The following ATP7A variants were observed in gnomAD, a reference collection of about 807,000 sequenced individuals.
The protein encoded by ATP7A is ATPase copper transporting alpha.
ATP7A carries 7 observed loss-of-function variants against 83.5 expected under a neutral mutation model. That is an observed-to-expected ratio of 0.08 (90% CI 0.05 to 0.16). The LOEUF (loss-of-function observed/expected upper bound fraction) is 0.16. Among genes scored for constraint, ATP7A ranks in the 10% least tolerant of loss-of-function variants. The probability of loss-of-function intolerance (pLI) is 1.00; values close to 1 mark genes in which losing one functional copy is unlikely to be tolerated. For missense variants in ATP7A, 940 were observed against 1,120.8 expected (o/e 0.84, Z 2.30); for synonymous variants, 354 against 395.2 (o/e 0.90, Z 1.24).
intron 1 of ATP7A, among the ~76,000 whole-genome samples, chrX:77,930,134 C>A (rs2077263637): frequency 1.8e-5 from 2 of 111,717 alleles, no homozygotes; most frequent in South Asian, 7.5e-4. Context: ...ATGATAGGCT[C>A]AGAATTTGAA....
chrX:77,989,177 T>A, intron 3 of ATP7A, 56 bp from the exon 4 acceptor site: 1 of 1,111,678 alleles, frequency 9.0e-7, no homozygotes, highest in Non-Finnish European at 1.2e-6. Flanking sequence ...AAACAGAATG[T>A]TTTCTGAAGT....
At chrX:77,986,660 C>T (rs782630118) in intron 2 of ATP7A, among the ~76,000 whole-genome samples, 1 of 111,909 alleles carries the variant, frequency 8.9e-6, no homozygotes, top group Non-Finnish European at 1.9e-5. Context: ...TTATCCTATA[C>T]ATCTTGTTAG....
At chrX:78,045,334 C>A in intron 21 of ATP7A, 136 bp from the exon 22 acceptor site, 1 of 589,154 alleles carries the variant, frequency 1.7e-6, no homozygotes, top group Non-Finnish European at 2.8e-6. Flanking sequence ...AAAATGGCAA[C>A]AACAAAAATC....
chrX:77,996,876 C>G (rs1392207455), intron 4 of ATP7A, among the ~76,000 whole-genome samples: 2 of 110,748 alleles, frequency 1.8e-5, no homozygotes, highest in Non-Finnish European at 3.8e-5. Flanking sequence ...TGGTTTTATT[C>G]AAAACCAAAG....
chrX:78,014,394 G>C (rs1557234894), intron 10 of ATP7A, among the ~76,000 whole-genome samples: 1 of 110,492 alleles, frequency 9.1e-6, no homozygotes, highest in Admixed American at 9.8e-5. Flanking sequence ...AACAGAGTGA[G>C]ACTCTGTCTC....
At chrX:78,010,410 A>G (rs924533873) in intron 7 of ATP7A, among the ~76,000 whole-genome samples, 2 of 111,595 alleles carry the variant, frequency 1.8e-5, no homozygotes, top group African/African-American at 6.5e-5. Context: ...TGTAATGTGT[A>G]TTACTATCTA....
intron 1 of ATP7A, among the ~76,000 whole-genome samples, chrX:77,965,680 A>G (rs1557228640): frequency 8.9e-6 from 1 of 112,037 alleles, no homozygotes; most frequent in Non-Finnish European, 1.9e-5. Flanking sequence ...TGAAAACACA[A>G]AAGTTTGTAC....
At chrX:78,041,331 A>G (rs1159390909) in intron 19 of ATP7A, among the ~76,000 whole-genome samples, 2 of 109,191 alleles carry the variant, frequency 1.8e-5, no homozygotes, top group Admixed American at 9.8e-5. Context: ...GCTGAAGTGC[A>G]GTGGCGCGAT....
At chrX:77,961,251 G>T (rs782241316) in intron 1 of ATP7A, among the ~76,000 whole-genome samples, 1 of 112,083 alleles carries the variant, frequency 8.9e-6, no homozygotes, top group African/African-American at 3.2e-5. Context: ...CTTCCTGGGT[G>T]AATTATCCAG....
chrX:77,995,630 T>G (rs1557232464), intron 4 of ATP7A, among the ~76,000 whole-genome samples: 1 of 107,975 alleles, frequency 9.3e-6, no homozygotes, highest in Non-Finnish European at 1.9e-5. Flanking sequence ...ATCCTGACTA[T>G]CTGTATTATC....
chrX:78,018,620 T>C (rs1318244257), intron 12 of ATP7A, among the ~76,000 whole-genome samples: 2 of 112,438 alleles, frequency 1.8e-5, no homozygotes, highest in African/African-American at 6.5e-5. Context: ...CCTCTGCCCA[T>C]TACCCAGTTC....
chrX:77,922,110 T>A (rs1217316303), intron 1 of ATP7A, among the ~76,000 whole-genome samples: 1 of 110,620 alleles, frequency 9.0e-6, no homozygotes, highest in African/African-American at 3.3e-5. Flanking sequence ...TATTAGCTAT[T>A]GTTATATATT....
At chrX:77,926,453 C>T (rs1413069896) in intron 1 of ATP7A, among the ~76,000 whole-genome samples, 1 of 110,594 alleles carries the variant, frequency 9.0e-6, no homozygotes, top group Non-Finnish European at 1.9e-5. Flanking sequence ...GCCTCAGCCT[C>T]CTGAGTAGCT....
At chrX:78,040,777 A>G (rs1557238287) in intron 19 of ATP7A, 44 bp downstream of exon 19, 1 of 1,178,636 alleles carries the variant, frequency 8.5e-7, no homozygotes, top group Admixed American at 2.2e-5. Context: ...ATTGATATAC[A>G]TTTTATATCT....
intron 1 of ATP7A, among the ~76,000 whole-genome samples, chrX:77,915,294 G>A (rs186887921): frequency 7.4e-4 from 81 of 108,823 alleles, no homozygotes; most frequent in African/African-American, 1.5e-3. Flanking sequence ...CACCCTGGAT[G>A]AGAGAGTGAC....
In ATP7A at chrX:77,910,795, T is replaced by C. The variant is rs1454638095; in HGVS notation, c.-62T>C. The C allele has an allele frequency of 8.9e-6, 1 of 112,278 alleles. No individual in the cohort carries two copies. Among genetic ancestry groups the C allele is most frequent in the Non-Finnish European group, 1.9e-5 (1 of 53,259 alleles). 9.3% of individuals were successfully genotyped at this position (112,278 alleles called of 1,213,427 possible). On this transcript the variant is annotated 5_prime_UTR_variant, in exon 1 of 23. Transcript: ENST00000341514. ...ACGTGGATTTATCGCTGCCACGGTC[T>C]GCGTAGCTCCAGAGGTTTAACCATA...
At chrX:77,952,642 G>A (rs1300740619) in intron 1 of ATP7A, among the ~76,000 whole-genome samples, 1 of 111,358 alleles carries the variant, frequency 9.0e-6, no homozygotes, top group Non-Finnish European at 1.9e-5. Context: ...TTATTTTTTA[G>A]TAATGACTTT....
intron 1 of ATP7A, among the ~76,000 whole-genome samples, chrX:77,950,988 C>T (rs1396428367): frequency 9.0e-6 from 1 of 110,715 alleles, no homozygotes; most frequent in Non-Finnish European, 1.9e-5. Flanking sequence ...CGCCACTGCA[C>T]TCCAGCCTGG....
chrX:78,037,558 C>G (rs1426096501), intron 17 of ATP7A, among the ~76,000 whole-genome samples: 4 of 111,256 alleles, frequency 3.6e-5, no homozygotes, highest in African/African-American at 1.3e-4. Flanking sequence ...GAGTTAAGTA[C>G]TGAATCCTGC....
Sources: gnomAD v4.1 joint callset for allele counts (sites outside exome capture counted in the v4.1 genomes callset) on GRCh38, gnomAD v4.1.1 for gene constraint, MANE v1.5 for transcripts, NCBI Gene and HGNC (gene_info 2026-07-23, HGNC 2026-07-21) for gene names.